CDH12: variants seen among roughly 807,000 people sequenced by gnomAD.
CDH12 encodes cadherin 12, also known as cadherin-12.
In CDH12, 41 loss-of-function variants were observed where a neutral mutation model predicts 74.1. That is an observed-to-expected ratio of 0.55 (90% confidence interval 0.43 to 0.72). The LOEUF is 0.72. Among genes scored for constraint, CDH12 ranks in the 30% least tolerant of loss-of-function variants. CDH12 has a pLI of 0.00. For missense variants in CDH12, 945 were observed against 977.2 expected (o/e 0.97, Z 0.44); for synonymous variants, 399 against 355.0 (o/e 1.12, Z -1.39).
At chr5:22,370,842 A>G (rs768105349) in intron 3 of CDH12, among the ~76,000 whole-genome samples, 3 of 152,168 alleles carry the variant, frequency 2.0e-5, no homozygotes, top group Non-Finnish European at 2.9e-5. Flanking sequence ...CAACAGCAAA[A>G]AAATCATCTG....
intron 2 of CDH12, among the ~76,000 whole-genome samples, chr5:22,497,618 C>T (rs1411282954): frequency 3.3e-5 from 5 of 151,302 alleles, no homozygotes; most frequent in Non-Finnish European, 7.4e-5. Flanking sequence ...GCCCTCAAGG[C>T]CCCACTGCCT....
chr5:22,283,127 G>C (rs1482279762), intron 3 of CDH12, among the ~76,000 whole-genome samples: 1 of 149,778 alleles, frequency 6.7e-6, no homozygotes, highest in Non-Finnish European at 1.5e-5. Flanking sequence ...CAGAATATTT[G>C]TCCATCTTCT....
intron 5 of CDH12, among the ~76,000 whole-genome samples, chr5:22,029,340 A>G (rs191281418): frequency 0.018 from 2,717 of 152,282 alleles, 40 homozygotes; most frequent in African/African-American, 0.04. Flanking sequence ...ACAAAATGGG[A>G]GAACATTTTT....
chr5:22,618,431 TCA>T (rs1202679186), intron 1 of CDH12, among the ~76,000 whole-genome samples: 1 of 152,094 alleles, frequency 6.6e-6, no homozygotes, highest in Non-Finnish European at 1.5e-5. Context: ...AGTCTTGGGT[TCA>T]CACTTGGGAG....
intron 4 of CDH12, among the ~76,000 whole-genome samples, chr5:22,185,263 A>G (rs1242123331): frequency 4.7e-5 from 7 of 149,486 alleles, no homozygotes; most frequent in African/African-American, 1.7e-4. Context: ...CAGTGGTGCA[A>G]TCTTGGCTCA....
intron 3 of CDH12, among the ~76,000 whole-genome samples, chr5:22,389,239 T>A (rs1742128436): frequency 6.6e-6 from 1 of 152,204 alleles, no homozygotes; most frequent in East Asian, 1.9e-4. Flanking sequence ...TTTGGCACAT[T>A]AAAAGCTAAT....
chr5:22,813,922 C>A (rs1346772445), intron 1 of CDH12, among the ~76,000 whole-genome samples: 1 of 152,058 alleles, frequency 6.6e-6, no homozygotes, highest in African/African-American at 2.4e-5. Flanking sequence ...GACTCCTGAC[C>A]CACAGAAACT....
intron 3 of CDH12, among the ~76,000 whole-genome samples, chr5:22,370,689 G>A (rs762601295): frequency 3.3e-5 from 5 of 152,080 alleles, no homozygotes; most frequent in Non-Finnish European, 7.4e-5. Context: ...AATCAAAGGA[G>A]AGATGAAATA....
chr5:22,385,579 AT>A (rs1196603108), intron 3 of CDH12, among the ~76,000 whole-genome samples: 2 of 152,230 alleles, frequency 1.3e-5, no homozygotes, highest in Non-Finnish European at 2.9e-5. Flanking sequence ...AAATGTAATC[AT>A]TAAAAGAAAT....
At chr5:22,658,000 T>C (rs1402920363) in intron 1 of CDH12, among the ~76,000 whole-genome samples, 3 of 152,278 alleles carry the variant, frequency 2.0e-5, no homozygotes, top group South Asian at 2.1e-4. Context: ...TAAACAAAGA[T>C]GCGGCTTCAT....
chr5:22,638,970 G>GAAC (rs1035207651), intron 1 of CDH12: 5 of 144,978 alleles, frequency 3.4e-5, no homozygotes, highest in Non-Finnish European at 6.0e-5. Flanking sequence ...AGAATGGCGT[G>GAAC]AACCCGGGAG....
intron 1 of CDH12, among the ~76,000 whole-genome samples, chr5:22,778,444 C>T (rs966816009): frequency 6.6e-6 from 1 of 152,062 alleles, no homozygotes; most frequent in African/African-American, 2.4e-5. Flanking sequence ...ACATATCTCC[C>T]ACTGTTTGAG....
At chr5:22,752,169 G>A (rs1018910508) in intron 1 of CDH12, among the ~76,000 whole-genome samples, 2 of 151,970 alleles carry the variant, frequency 1.3e-5, no homozygotes, top group Non-Finnish European at 2.9e-5. Context: ...TATTGTTTTA[G>A]TCATAGATTT....
intron 1 of CDH12, among the ~76,000 whole-genome samples, chr5:22,566,542 T>G (rs1739295000): frequency 6.6e-6 from 1 of 152,124 alleles, no homozygotes; most frequent in Admixed American, 6.5e-5. Flanking sequence ...CCAGCTACTA[T>G]GTGTCTTTTA....
At chr5:22,010,858 G>A (rs1450686633) in intron 5 of CDH12, among the ~76,000 whole-genome samples, 1 of 152,042 alleles carries the variant, frequency 6.6e-6, no homozygotes, top group Non-Finnish European at 1.5e-5. Flanking sequence ...TTTACATCCT[G>A]TAATGCTCTG....
At chr5:22,565,784 T>C (rs983263909) in intron 1 of CDH12, among the ~76,000 whole-genome samples, 2 of 152,230 alleles carry the variant, frequency 1.3e-5, no homozygotes, top group African/African-American at 4.8e-5. Context: ...TGCTGTGATC[T>C]GTAGTCTCCT....
intron 3 of CDH12, among the ~76,000 whole-genome samples, chr5:22,298,774 T>C (rs1737739243): frequency 6.6e-6 from 1 of 152,138 alleles, no homozygotes; most frequent in Non-Finnish European, 1.5e-5. Context: ...GAAAATAATA[T>C]CAATAAGTCT....
chr5:22,481,943 A>T (rs1026764085), intron 2 of CDH12, among the ~76,000 whole-genome samples: 2 of 152,198 alleles, frequency 1.3e-5, no homozygotes, highest in Non-Finnish European at 2.9e-5. Context: ...TTATTTGTAA[A>T]ATTATATACA....
At chr5:22,403,100 A>T (rs375909640) in intron 3 of CDH12, among the ~76,000 whole-genome samples, 14 of 152,330 alleles carry the variant, frequency 9.2e-5, no homozygotes, top group African/African-American at 3.1e-4. Flanking sequence ...ACTGCCAAGC[A>T]TGGAGGAGAG....
Sources: gnomAD v4.1 joint callset for allele counts (sites outside exome capture counted in the v4.1 genomes callset) on GRCh38, gnomAD v4.1.1 for gene constraint, MANE v1.5 for transcripts, NCBI Gene and HGNC (gene_info 2026-07-23, HGNC 2026-07-21) for gene names.